Variants in RC3H2 observed in about 807,000 individuals in gnomAD.
RC3H2 encodes roquin-2.
In RC3H2, 31 loss-of-function variants were observed where a neutral mutation model predicts 133.3. The ratio of observed to expected loss-of-function variants is 0.23; its 90% CI spans 0.17 to 0.31. The LOEUF is 0.31. RC3H2 is among the 10% of genes least tolerant of loss of function. RC3H2 has a pLI of 1.00. For missense variants in RC3H2, 1,175 were observed against 1,437.2 expected, an observed-to-expected ratio of 0.82 and a Z score of 2.95; for synonymous variants, 517 against 502.2, an observed-to-expected ratio of 1.03 and a Z score of -0.40.
intron 10 of RC3H2, among the ~76,000 whole-genome samples, chr9:122,861,898 T>C (rs1008210022): frequency 3.3e-5 from 5 of 152,244 alleles, no homozygotes; most frequent in African/African-American, 1.2e-4. Context: ...AGTATAAAGA[T>C]ATTTTAGGAC....
intron 3 of RC3H2, among the ~76,000 whole-genome samples, 173 bp downstream of exon 3, chr9:122,892,736 T>C (rs998098041): frequency 4.6e-5 from 7 of 152,094 alleles, no homozygotes; most frequent in African/African-American, 1.4e-4. Context: ...AATAACAATA[T>C]TGGTTATTTT....
At chr9:122,893,713 A>G (rs1174123270) in intron 2 of RC3H2, among the ~76,000 whole-genome samples, 1 of 152,216 alleles carries the variant, frequency 6.6e-6, no homozygotes, top group East Asian at 1.9e-4. Flanking sequence ...GAATTTCAAA[A>G]TTAAAGAGTG....
At chr9:122,866,578 T>G (rs1294073323) in intron 9 of RC3H2, among the ~76,000 whole-genome samples, 3 of 152,074 alleles carry the variant, frequency 2.0e-5, no homozygotes, top group African/African-American at 7.2e-5. Context: ...CTGGTTTTCT[T>G]ATTTTTTTGG....
In RC3H2 at chr9:122,879,755, C is replaced by T. The variant is rs755720768; in HGVS notation, c.1212G>A (p.Gln404=). The part of the protein sequence containing the change: ...NYSRKGHETP[Q]PQPNSKYKTS... ...TCAGAAATGTAATAAATGTACTTACCTGAGGGGTCTCATGGCCTTTTCTAC... is the reference window on the plus strand; with the variant it reads ...TCAGAAATGTAATAAATGTACTTACTTGAGGGGTCTCATGGCCTTTTCTAC... Residue 404 remains glutamine, a splice_region_variant and synonymous_variant, in exon 8 of 21, where the codon CAG becomes CAA. Transcript: ENST00000357244. 1 of 1,587,308 alleles carries T rather than the reference C, an allele frequency of 6.3e-7. No individual in the cohort carries two copies. The highest frequency in any genetic ancestry group is 1.1e-5 in the South Asian group (1 of 89,990).
chr9:122,852,824 G>A (rs1192801989), intron 18 of RC3H2, among the ~76,000 whole-genome samples: 5 of 151,662 alleles, frequency 3.3e-5, no homozygotes, highest in South Asian at 2.1e-4. Context: ...CTGCCCGGCC[G>A]CCCCTACTGG....
intron 9 of RC3H2, among the ~76,000 whole-genome samples, chr9:122,870,297 C>T (rs1831012720): frequency 6.6e-6 from 1 of 151,712 alleles, no homozygotes; most frequent in Admixed American, 6.6e-5. Flanking sequence ...ATTGCTTGAG[C>T]CTGGGAGACA....
At chr9:122,875,464 T>C in intron 9 of RC3H2, 1 of 1,413,718 alleles carries the variant, frequency 7.1e-7, no homozygotes, top group Non-Finnish European at 9.3e-7. Flanking sequence ...GCCCAATTTA[T>C]GCATTGTCTG....
chr9:122,853,746 C>CA (rs1292586128), intron 18 of RC3H2: 18 of 1,372,292 alleles, frequency 1.3e-5, no homozygotes, highest in African/African-American at 5.9e-5. Flanking sequence ...GATTCCATCT[C>CA]AAAAAAACAA....
chr9:122,879,847 G>C lies in RC3H2; in HGVS notation c.1120C>G (p.Leu374Val), dbSNP rs367745578. The change falls in exon 8 of 21, where the codon CTG (leucine) becomes GTG (valine). Residue 374 changes from leucine (L) to valine (V), a missense_variant. Leu to Val is a conservative substitution (Grantham distance 32, BLOSUM62 1). Transcript: ENST00000357244. ...TTAACAGCTACCATTGCATTTTCCA[G>C]CTGCTCCCAAGTTGGTGAAACAGCG... ...PDAVSPTWEQLENAMVAVKTV... is the reference protein window; with the variant it reads ...PDAVSPTWEQVENAMVAVKTV... The C allele has an allele frequency of 1.2e-6, 2 of 1,614,134 alleles. No homozygotes were observed. Among genetic ancestry groups the C allele is most frequent in the Non-Finnish European group, 1.7e-6 (2 of 1,180,016 alleles).
intron 1 of RC3H2, among the ~76,000 whole-genome samples, chr9:122,901,952 G>A (rs1275589242): frequency 9.8e-5 from 13 of 132,246 alleles, no homozygotes; most frequent in South Asian, 2.4e-4. Context: ...TTTTTGAGAC[G>A]GAGTTTCGCT....
In RC3H2 at chr9:122,905,212, G is replaced by A; in HGVS notation, c.-170C>T. ...TCGTCTCGCCGGGGCAGAGCTCGGC[G>A]GAGGTTTCACGACCTCAAACTCCAT... On this transcript the variant is annotated 5_prime_UTR_variant, in exon 1 of 21. Coordinates refer to ENST00000357244, the MANE Select transcript of RC3H2 (RefSeq NM_001100588.3). The A allele has an allele frequency of 1.0e-6, 1 of 985,504 alleles. No homozygotes were observed. Among genetic ancestry groups the A allele is most frequent in the Non-Finnish European group, 1.2e-6 (1 of 829,944 alleles). 61.0% of individuals were successfully genotyped at this position (985,504 alleles called of 1,614,324 possible).
intron 13 of RC3H2, 61 bp downstream of exon 13, chr9:122,857,862 T>C: frequency 7.0e-7 from 1 of 1,432,918 alleles, no homozygotes; most frequent in Non-Finnish European, 9.6e-7. Context: ...TTTGAATGAG[T>C]AATTTGAAGT....
intron 10 of RC3H2, among the ~76,000 whole-genome samples, chr9:122,862,681 G>A (rs571925852): frequency 5.3e-5 from 8 of 152,140 alleles, no homozygotes; most frequent in East Asian, 3.9e-4. Flanking sequence ...GATCACTTGC[G>A]GTCAGGAGTT....
At chr9:122,903,120 A>G (rs1832720185) in intron 1 of RC3H2, among the ~76,000 whole-genome samples, 3 of 150,248 alleles carry the variant, frequency 2.0e-5, no homozygotes, top group African/African-American at 7.3e-5. Flanking sequence ...TAAATTATAA[A>G]GTAATACTTA....
At chr9:122,858,382 A>C (rs1169631741) in intron 12 of RC3H2, among the ~76,000 whole-genome samples, 1 of 152,204 alleles carries the variant, frequency 6.6e-6, no homozygotes, top group Non-Finnish European at 1.5e-5. Flanking sequence ...ATTTCTTTCT[A>C]CTTTCCCAAC....
intron 20 of RC3H2, 60 bp from the exon 21 acceptor site, chr9:122,849,882 G>C: frequency 1.7e-6 from 2 of 1,176,306 alleles, no homozygotes; most frequent in South Asian, 3.8e-5. Context: ...TGTTAAGGGT[G>C]ACTATACATA....
chr9:122,892,618 A>G (rs1199479796), intron 3 of RC3H2, among the ~76,000 whole-genome samples: 1 of 152,146 alleles, frequency 6.6e-6, no homozygotes, highest in African/African-American at 2.4e-5. Context: ...TCACCGTGTT[A>G]GCCAGGATAG....
At position 122,859,059 on chromosome 9, in the gene RC3H2, G is replaced by A. The variant is rs747619924; in HGVS notation, c.1893C>T (p.Pro631=). ...TGGACCTCACAAAGCGAGGAACACA[G>A]GGAGCCACACCAGCTGGTACCGTTG... The part of the protein sequence containing the change: ...PPPTVPAGVA[P]CVPRFVRSNN... The change falls in exon 12 of 21, where the codon CCC becomes CCT. Residue 631 remains proline, a synonymous_variant. Coordinates refer to ENST00000357244, the MANE Select transcript of RC3H2 (RefSeq NM_001100588.3). 5 of 1,606,958 alleles carry A rather than the reference G, an allele frequency of 3.1e-6. No individual in the cohort carries two copies. The highest frequency in any genetic ancestry group is 2.7e-5 in the African/African-American group (2 of 74,818).
At chr9:122,895,964 T>C (rs998436446) in intron 2 of RC3H2, among the ~76,000 whole-genome samples, 2 of 152,102 alleles carry the variant, frequency 1.3e-5, no homozygotes, top group Admixed American at 1.3e-4. Flanking sequence ...ATTACAAACA[T>C]GAATTCTATA....
Sources: gnomAD v4.1 joint callset for allele counts (sites outside exome capture counted in the v4.1 genomes callset) on GRCh38, gnomAD v4.1.1 for gene constraint, MANE v1.5 for transcripts, NCBI Gene and HGNC (gene_info 2026-07-23, HGNC 2026-07-21) for gene names.